Variants in PTPRN2 observed in about 807,000 individuals in gnomAD.
The protein encoded by PTPRN2 is protein tyrosine phosphatase receptor type N2, also known as receptor-type tyrosine-protein phosphatase N2.
A neutral mutation model predicts 118.8 loss-of-function variants in PTPRN2; 74 were observed. The observed-to-expected ratio is 0.62, with a 90% CI of 0.52 to 0.76. PTPRN2 has a LOEUF of 0.76. PTPRN2 is among the 30% of genes least tolerant of loss of function. The pLI, the probability that PTPRN2 is intolerant of heterozygous loss-of-function variation, is 0.00. For synonymous variants in PTPRN2, 641 were observed against 608.0 expected (o/e 1.05, Z -0.80); for missense variants, 1,481 against 1,394.4 (o/e 1.06, Z -0.99).
intron 3 of PTPRN2, among the ~76,000 whole-genome samples, chr7:158,273,493 GGC>G (rs1798669253): frequency 1.5e-5 from 2 of 134,722 alleles, no homozygotes; most frequent in African/African-American, 5.3e-5. Flanking sequence ...GGGAGCCGCA[GGC>G]ACAGGGGGAG....
intron 11 of PTPRN2, among the ~76,000 whole-genome samples, chr7:157,910,705 C>CGTGTGTGT (rs34091528): frequency 6.6e-6 from 1 of 151,282 alleles, no homozygotes; most frequent in African/African-American, 2.4e-5. Flanking sequence ...CGGCAGGGCA[C>CGTGTGTGT]GTGTGTGTGT....
intron 17 of PTPRN2, 90 bp downstream of exon 17, chr7:157,595,148 A>G: frequency 1.7e-6 from 2 of 1,195,654 alleles, no homozygotes; most frequent in Middle Eastern, 1.9e-4. Flanking sequence ...AAGAAGTTTG[A>G]TTGGCCTAAT....
chr7:157,932,555 G>A (rs1799425253), intron 11 of PTPRN2, among the ~76,000 whole-genome samples: 1 of 151,858 alleles, frequency 6.6e-6, no homozygotes, highest in South Asian at 2.1e-4. Flanking sequence ...CTGATTGACA[G>A]TTTTAGAGTA....
intron 3 of PTPRN2, among the ~76,000 whole-genome samples, chr7:158,237,874 G>A (rs994985839): frequency 3.3e-5 from 5 of 152,132 alleles, no homozygotes; most frequent in Non-Finnish European, 5.9e-5. Flanking sequence ...GGGAGTGCAC[G>A]AAGGACACCC....
At chr7:158,383,477 T>A (rs1308628710) in intron 2 of PTPRN2, among the ~76,000 whole-genome samples, 3 of 152,224 alleles carry the variant, frequency 2.0e-5, no homozygotes, top group African/African-American at 7.2e-5. Flanking sequence ...GGCTGCCAGT[T>A]TAAAGTGCAG....
intron 22 of PTPRN2, among the ~76,000 whole-genome samples, chr7:157,541,277 C>T (rs1406808461): frequency 6.6e-6 from 1 of 152,240 alleles, no homozygotes; most frequent in African/African-American, 2.4e-5. Flanking sequence ...GTTATCATCG[C>T]TTTTGAAATC....
At chr7:158,396,156 G>C (rs1409286249) in intron 2 of PTPRN2, among the ~76,000 whole-genome samples, 1 of 152,190 alleles carries the variant, frequency 6.6e-6, no homozygotes. Context: ...AGTGCCACGT[G>C]GGCTGAGGAG....
At chr7:158,571,314 T>TA (rs1828016741) in intron 1 of PTPRN2, among the ~76,000 whole-genome samples, 1 of 151,390 alleles carries the variant, frequency 6.6e-6, no homozygotes, top group Admixed American at 6.6e-5. Flanking sequence ...CATCTCTACT[T>TA]AAAAAATACA....
intron 12 of PTPRN2, among the ~76,000 whole-genome samples, chr7:157,792,893 T>C (rs1804606951): frequency 6.6e-6 from 1 of 152,228 alleles, no homozygotes; most frequent in African/African-American, 2.4e-5. Context: ...CTTCAAAGCA[T>C]GACCGGGCGG....
chr7:157,807,653 T>G (rs4716783), intron 12 of PTPRN2, among the ~76,000 whole-genome samples: 1 of 152,116 alleles, frequency 6.6e-6, no homozygotes, highest in African/African-American at 2.4e-5. Flanking sequence ...GCCTGAGAGC[T>G]GACAAATCCT....
chr7:158,344,708 A>T (rs937929334), intron 2 of PTPRN2, among the ~76,000 whole-genome samples: 1 of 151,762 alleles, frequency 6.6e-6, no homozygotes, highest in African/African-American at 2.4e-5. Context: ...CCCCAAGCTC[A>T]GTCCTGACAG....
chr7:157,931,897 G>A (rs1333981017), intron 11 of PTPRN2, among the ~76,000 whole-genome samples: 1 of 152,104 alleles, frequency 6.6e-6, no homozygotes, highest in East Asian at 1.9e-4. Context: ...GGTTGGTCAT[G>A]GCTTTCTATT....
intron 11 of PTPRN2, among the ~76,000 whole-genome samples, chr7:157,970,761 G>A (rs1285457651): frequency 2.0e-5 from 3 of 152,030 alleles, no homozygotes; most frequent in Non-Finnish European, 4.4e-5. Context: ...CCAGTGGAGT[G>A]GCTTCTGTGC....
intron 12 of PTPRN2, among the ~76,000 whole-genome samples, chr7:157,734,046 T>G (rs71541700): frequency 2.2e-5 from 2 of 90,048 alleles, no homozygotes; most frequent in Admixed American, 1.1e-4. Flanking sequence ...TCCCGTCCCA[T>G]GCGCCCAGCA....
chr7:158,391,176 C>G (rs1219217371), intron 2 of PTPRN2, among the ~76,000 whole-genome samples: 1 of 152,248 alleles, frequency 6.6e-6, no homozygotes, highest in Non-Finnish European at 1.5e-5. Context: ...GCAGCTGCTG[C>G]TCCCTTAAAG....
chr7:157,577,952 C>G (rs1388046119), intron 18 of PTPRN2, 69 bp downstream of exon 18: 2 of 1,470,454 alleles, frequency 1.4e-6, no homozygotes, highest in African/African-American at 1.4e-5. Flanking sequence ...GAATCCCATT[C>G]GGAGGAGGAG....
rs1032481534 is a variant in PTPRN2 at position 157,785,999 on chromosome 7, A to G, written c.1789-103062T>C. On this transcript the variant is annotated intron_variant, in intron 12 of 22. Transcript: ENST00000389418. This position sits in a 1 kb window ranked among gnomAD's most constrained non-coding sequence, Gnocchi z 7.3. ...CTCTGGGTGCTGCTGCTCCCAGGAG[A>G]GATGGTCCCGTGCAAGTGCCAGGCC... is the stretch of plus-strand genomic sequence containing the variant. Among the ~76,000 whole-genome samples, 4 of 151,900 alleles carry G rather than the reference A, an allele frequency of 2.6e-5. No homozygotes were observed. Among genetic ancestry groups the G allele is most frequent in the Non-Finnish European group, 5.9e-5 (4 of 67,942 alleles).
chr7:158,104,221 C>T (rs535692784), intron 10 of PTPRN2, among the ~76,000 whole-genome samples: 1 of 152,174 alleles, frequency 6.6e-6, no homozygotes, highest in Non-Finnish European at 1.5e-5. Context: ...CTTTTCTGTG[C>T]TTCCTCACTA....
intron 2 of PTPRN2, among the ~76,000 whole-genome samples, chr7:158,336,872 C>G (rs1341043629): frequency 9.7e-6 from 1 of 103,528 alleles, no homozygotes; most frequent in African/African-American, 3.3e-5. Context: ...AGCTGTCGCC[C>G]GCACAGGTCA....
Sources: allele counts gnomAD v4.1 joint callset (sites outside exome capture counted in the v4.1 genomes callset), GRCh38; gene constraint gnomAD v4.1.1; non-coding constraint Gnocchi (gnomAD v3.1); transcripts MANE v1.5; gene names NCBI Gene and HGNC (gene_info 2026-07-23, HGNC 2026-07-21).